DCAF8: variants seen among roughly 807,000 people sequenced by gnomAD.
DCAF8 encodes the protein DDB1- and CUL4-associated factor 8.
Under a neutral mutation model 68.0 loss-of-function variants are expected in DCAF8, and 20 were observed. The ratio of observed to expected loss-of-function variants is 0.29; its 90% confidence interval spans 0.21 to 0.43. The LOEUF (loss-of-function observed/expected upper bound fraction) is 0.43, where lower values mean the gene tolerates loss of function less well. DCAF8 is among the 20% of genes least tolerant of loss of function. The pLI is 1.00. For missense variants in DCAF8, 460 were observed against 771.0 expected (o/e 0.60, Z 4.78); for synonymous variants, 230 against 276.9 (o/e 0.83, Z 1.68).
intron 3 of DCAF8, among the ~76,000 whole-genome samples, chr1:160,242,068 C>T (rs545671264): frequency 6.6e-6 from 1 of 152,122 alleles, no homozygotes; most frequent in South Asian, 2.1e-4. Flanking sequence ...CATGGTGAAA[C>T]CCCCATTTCT....
intron 9 of DCAF8, 88 bp from the exon 10 acceptor site, chr1:160,224,637 G>A (rs1655408286): frequency 8.2e-6 from 8 of 978,140 alleles, no homozygotes; most frequent in East Asian, 2.4e-5. Flanking sequence ...CTTCTTGCCA[G>A]TAGTGCCCCC....
At chr1:160,246,199 T>C (rs772070140) in intron 2 of DCAF8, among the ~76,000 whole-genome samples, 1 of 151,960 alleles carries the variant, frequency 6.6e-6, no homozygotes, top group Non-Finnish European at 1.5e-5. Context: ...CAGTGTAACA[T>C]GAAGAACAGA....
At chr1:160,261,534 C>A (rs1178449260) in intron 1 of DCAF8, 176 bp from the exon 2 acceptor site, 1 of 152,170 alleles carries the variant, frequency 6.6e-6, no homozygotes, top group Non-Finnish European at 1.5e-5. Flanking sequence ...ATAAAATGAA[C>A]CAACATGAAG....
intron 2 of DCAF8, among the ~76,000 whole-genome samples, chr1:160,252,938 A>C (rs923834674): frequency 5.9e-5 from 9 of 152,222 alleles, no homozygotes; most frequent in African/African-American, 2.2e-4. Flanking sequence ...CTGACGAACA[A>C]ATTTAAGTTT....
rs931797343 is a variant in DCAF8, at chr1:160,217,378, T to G, written c.*214A>C. ...ATTTCTGCCGAGTCCTATGCACCTCTCCATAGAGCCCCATTCCAGGGCTCA... is the reference window on the plus strand; with the variant it reads ...ATTTCTGCCGAGTCCTATGCACCTCGCCATAGAGCCCCATTCCAGGGCTCA... On this transcript the variant is annotated 3_prime_UTR_variant, in exon 14 of 14. Coordinates refer to ENST00000368074, the MANE Select transcript of DCAF8 (RefSeq NM_015726.4). 6.2e-6 allele frequency: 3 copies of G among 482,874 alleles called. No homozygotes were observed. The highest frequency in any genetic ancestry group is 1.1e-5 in the Non-Finnish European group (3 of 273,594). The allele number at this position is 482,874 out of a possible 1,614,324, so 29.9% of individuals were successfully genotyped here. A position where few individuals can be genotyped will look rare whatever the true frequency, so the allele number is the denominator to read the frequency against.
intron 2 of DCAF8, among the ~76,000 whole-genome samples, chr1:160,258,205 G>C (rs898630633): frequency 6.6e-6 from 1 of 152,120 alleles, no homozygotes; most frequent in African/African-American, 2.4e-5. Flanking sequence ...AAATTAGCCA[G>C]GTACGGTGGC....
In DCAF8 at chr1:160,225,682, T is replaced by G; in HGVS notation, c.1071-19A>C. 2 of 1,605,682 alleles carry G rather than the reference T, an allele frequency of 1.2e-6. No individual in the cohort carries two copies. Among genetic ancestry groups the G allele is most frequent in the Non-Finnish European group, 1.7e-6 (2 of 1,173,356 alleles). ...ATAAATCCTACAGTTGGAAAAGCAATGAAAATGTAAAAATGTACAAACGAA... is the reference window on the plus strand; with the variant it reads ...ATAAATCCTACAGTTGGAAAAGCAAGGAAAATGTAAAAATGTACAAACGAA... On this transcript the variant is annotated intron_variant, in intron 7 of 13. Coordinates refer to ENST00000368074, the MANE Select transcript of DCAF8 (RefSeq NM_015726.4).
chr1:160,260,804 C>G (rs1020659397), intron 2 of DCAF8, among the ~76,000 whole-genome samples: 2 of 151,576 alleles, frequency 1.3e-5, no homozygotes, highest in Non-Finnish European at 2.9e-5. Flanking sequence ...CAACTAAAGG[C>G]AGCATCACTC....
chr1:160,249,004 C>A (rs1020048559), intron 2 of DCAF8, among the ~76,000 whole-genome samples: 1 of 151,956 alleles, frequency 6.6e-6, no homozygotes, highest in Non-Finnish European at 1.5e-5. Context: ...CTGGCCTGAC[C>A]AACGTGGTAA....
intron 5 of DCAF8, among the ~76,000 whole-genome samples, chr1:160,237,740 A>G (rs750936): frequency 0.44 from 66,224 of 151,716 alleles, 15,481 homozygotes; most frequent in South Asian, 0.62. Context: ...GGGTCTTGCT[A>G]TATTGCCCAG....
At position 160,253,647 on chromosome 1, in the gene DCAF8, CAAAAAAAAAAAAAAAAA is replaced by C. The variant is rs747211563; in HGVS notation, c.-27+7621_-27+7637del. On this transcript the variant is annotated intron_variant, in intron 2 of 13. Transcript: ENST00000368074. The stretch of plus-strand genomic sequence containing the variant: ...TGTGCGACAGGGTGAGACTCCATCT[CAAAAAAAAAAAAAAAAA>C]AAAAAAAAAAAAATAGCAGGGTGTG... 1.5e-3 allele frequency among the ~76,000 whole-genome samples: 41 copies of C among 26,954 alleles called. 1 individual carries two copies. The highest frequency in any genetic ancestry group is 2.2e-3 in the South Asian group (1 of 462). The allele number at this position is 26,954 out of a possible 152,430, so 17.7% of individuals were successfully genotyped here. A position where few individuals can be genotyped will look rare whatever the true frequency, so the allele number is the denominator to read the frequency against.
At chr1:160,239,483 C>T (rs16831677) in intron 4 of DCAF8, 43,863 of 1,464,290 alleles carry the variant, frequency 0.03, 775 homozygotes, top group Non-Finnish European at 0.034. Context: ...ATGCACCCTA[C>T]CTATGAGGCT....
intron 11 of DCAF8, chr1:160,220,784 A>T (rs1246106089): frequency 6.6e-6 from 1 of 152,226 alleles, no homozygotes; most frequent in African/African-American, 2.4e-5. Flanking sequence ...TTTGGTTCTA[A>T]CATTCTACGT....
intron 13 of DCAF8, 104 bp from the exon 14 acceptor site, chr1:160,217,812 A>G: frequency 1.2e-6 from 1 of 846,378 alleles, no homozygotes; most frequent in Non-Finnish European, 1.9e-6. Context: ...GATCAGCAGA[A>G]TTTTTCTTAA....
intron 10 of DCAF8, among the ~76,000 whole-genome samples, chr1:160,223,317 T>C (rs983993522): frequency 3.3e-5 from 5 of 152,300 alleles, no homozygotes; most frequent in South Asian, 4.1e-4. Context: ...CAGTACAATA[T>C]TGGCCATGAG....
rs144211913 is a variant in DCAF8 at position 160,248,658 on chromosome 1, G to A, written c.-26-4624C>T. 8.3e-3 allele frequency among the ~76,000 whole-genome samples: 1,253 copies of A among 151,642 alleles called. 5 individuals are homozygous for A. Among genetic ancestry groups the A allele is most frequent in the Middle Eastern group, 0.027 (8 of 294 alleles). The stretch of plus-strand genomic sequence containing the variant: ...GAGGAGGTTGCAGTGAGCTGCGATC[G>A]CGCCACTGCACTCCAGCCTGGTGAC... On this transcript the variant is annotated intron_variant, in intron 2 of 13. Transcript: ENST00000368074.
rs1380634273 is a variant in DCAF8 at position 160,256,540 on chromosome 1, A to G, written c.-27+4745T>C. 7.2e-5 allele frequency among the ~76,000 whole-genome samples: 11 copies of G among 152,254 alleles called. No individual in the cohort carries two copies. The East Asian group carries it at 1.9e-3, about 27-fold the overall frequency. On this transcript the variant is annotated intron_variant, in intron 2 of 13. Transcript: ENST00000368074. ...TTGACTACCATTAGAGGTAAACCCT[A>G]TAGTAGCTTTCCAGATGGCTAAGAA...
At chr1:160,223,603 T>C (rs1347334548) in intron 10 of DCAF8, among the ~76,000 whole-genome samples, 3 of 152,192 alleles carry the variant, frequency 2.0e-5, no homozygotes, top group African/African-American at 7.2e-5. Context: ...GGCCAAACTG[T>C]TATTTTTAAA....
chr1:160,252,954 T>TTAAA (rs777857193), intron 2 of DCAF8, among the ~76,000 whole-genome samples: 7 of 152,214 alleles, frequency 4.6e-5, no homozygotes, highest in Non-Finnish European at 8.8e-5. Flanking sequence ...AGTTTGGAAC[T>TTAAA]TAAATAAAGT....
Sources: allele counts gnomAD v4.1 joint callset (sites outside exome capture counted in the v4.1 genomes callset), GRCh38; gene constraint gnomAD v4.1.1; transcripts MANE v1.5; gene names NCBI Gene and HGNC (gene_info 2026-07-23, HGNC 2026-07-21).